The following LRBA variants were observed in gnomAD, a reference collection of about 807,000 sequenced individuals.
The protein encoded by LRBA is lipopolysaccharide-responsive and beige-like anchor protein.
Under a neutral mutation model 330.0 loss-of-function variants are expected in LRBA, and 176 were observed. The observed-to-expected ratio is 0.53, with a 90% CI of 0.47 to 0.60. The LOEUF is 0.60. Ranked by LOEUF, LRBA falls within the 20% of genes least tolerant of loss-of-function variation. LRBA has a pLI of 0.00. For synonymous variants in LRBA, 1,230 were observed against 1,193.0 expected, an observed-to-expected ratio of 1.03 and a Z score of -0.64; for missense variants, 3,259 against 3,444.8, an observed-to-expected ratio of 0.95 and a Z score of 1.35.
intron 34 of LRBA, among the ~76,000 whole-genome samples, chr4:150,765,950 T>C (rs1177024297): frequency 2.6e-5 from 4 of 152,064 alleles, no homozygotes; most frequent in Non-Finnish European, 4.4e-5. Context: ...TCTAAACTTA[T>C]CTTGGTATGT....
At chr4:150,740,984 T>C (rs919795864) in intron 35 of LRBA, among the ~76,000 whole-genome samples, 1 of 152,064 alleles carries the variant, frequency 6.6e-6, no homozygotes, top group Non-Finnish European at 1.5e-5. Context: ...AACCCTGACT[T>C]CTACCTCAAA....
At position 150,799,723 on chromosome 4, in the gene LRBA, C is replaced by T. The variant is rs987960837; in HGVS notation, c.5519-1581G>A. On this transcript the variant is annotated intron_variant, in intron 33 of 56. Transcript: ENST00000651943. ...GTGCTCCTTTGTCCCTCTTACCACACTTATCATATTTCATACATATACATA... is the reference window on the plus strand; with the variant it reads ...GTGCTCCTTTGTCCCTCTTACCACATTTATCATATTTCATACATATACATA... Among the ~76,000 whole-genome samples the T allele has an allele frequency of 2.6e-5, 4 of 152,240 alleles. No homozygotes were observed. In the East Asian group the frequency reaches 7.7e-4, roughly 29 times the overall value.
Position 150,408,344 on chromosome 4 carries a change from T to A in LRBA, c.7194+7094A>T, listed in dbSNP as rs558580648. 2.4e-3 allele frequency among the ~76,000 whole-genome samples: 368 copies of A among 151,910 alleles called. 2 individuals carry two copies. Among genetic ancestry groups the A allele is most frequent in the African/African-American group, 5.7e-3 (237 of 41,480 alleles). On this transcript the variant is annotated intron_variant, in intron 47 of 56. Coordinates refer to ENST00000651943, the MANE Select transcript of LRBA (RefSeq NM_001364905.1). Reference sequence around the variant, plus strand: ...ACTGACATAGATTCAAGAAAAAATTTAAAAAAAATCTTGATAGACCTATAA... The same window carrying A: ...ACTGACATAGATTCAAGAAAAAATTAAAAAAAAATCTTGATAGACCTATAA...
At chr4:150,658,514 TCC>T (rs1428321709) in intron 37 of LRBA, among the ~76,000 whole-genome samples, 1 of 38 alleles carries the variant, frequency 0.026, no homozygotes, top group African/African-American at 0.05. Flanking sequence ...AGTCTCCCTC[TCC>T]CTCTCCCTCT....
rs183744217 is a variant in LRBA at position 150,858,650 on chromosome 4, C to G, written c.2767-5707G>C. Among the ~76,000 whole-genome samples, 446 of 152,260 alleles carry G rather than the reference C, an allele frequency of 2.9e-3. 3 individuals are homozygous for G. The highest frequency in any genetic ancestry group is 0.01 in the African/African-American group (426 of 41,554). ...ATTCAAGTGATTTTCATGCCTTAGT[C>G]CCCAGTAGCTGGGACCACAGGCATG... On this transcript the variant is annotated intron_variant, in intron 22 of 56. Coordinates refer to ENST00000651943, the MANE Select transcript of LRBA (RefSeq NM_001364905.1).
intron 40 of LRBA, among the ~76,000 whole-genome samples, chr4:150,554,411 A>G (rs994405820): frequency 1.3e-5 from 2 of 152,242 alleles, no homozygotes; most frequent in Admixed American, 6.5e-5. Flanking sequence ...CTAAGCCAGG[A>G]CAGAAATCAG....
chr4:150,650,088 G>T (rs937410514), intron 37 of LRBA, among the ~76,000 whole-genome samples: 31 of 152,086 alleles, frequency 2.0e-4, no homozygotes, highest in Non-Finnish European at 2.8e-4. Flanking sequence ...AATAGATATT[G>T]TTTTCACTGG....
At chr4:150,494,538 A>G (rs1007639317) in intron 40 of LRBA, among the ~76,000 whole-genome samples, 2 of 152,242 alleles carry the variant, frequency 1.3e-5, no homozygotes, top group African/African-American at 2.4e-5. Flanking sequence ...TGAGTATACT[A>G]CAGCATTGTT....
At chr4:150,844,440 A>G (rs1331866891) in intron 27 of LRBA, among the ~76,000 whole-genome samples, 1 of 152,092 alleles carries the variant, frequency 6.6e-6, no homozygotes. Context: ...CATCACAGAA[A>G]CAATCAAAGT....
Position 150,970,548 on chromosome 4 carries a change from TGTGTGTGTAC to T in LRBA, c.217-41493_217-41484del, listed in dbSNP as rs1352864978. 52 of 43,346 alleles carry T rather than the reference TGTGTGTGTAC, an allele frequency of 1.2e-3. No homozygotes were observed. In the East Asian group the frequency reaches 0.031, roughly 26 times the overall value. The allele number at this position is 43,346 out of a possible 1,614,324, so 2.7% of individuals were successfully genotyped here. A position where few individuals can be genotyped will look rare whatever the true frequency, so the allele number is the denominator to read the frequency against. On this transcript the variant is annotated intron_variant, in intron 2 of 56. Coordinates refer to ENST00000651943, the MANE Select transcript of LRBA (RefSeq NM_001364905.1). ...TTGTGTGTGTGTGTGTGTGTGTGTG[TGTGTGTGTAC>T]ACACACACACACACACACACACACA...
rs2126924284 is a variant in LRBA, at chr4:150,852,925, T to G, written c.2785A>C (p.Lys929Gln). The change falls in exon 23 of 57, where the codon AAA becomes CAA. Residue 929 changes from lysine to glutamine, a missense_variant. By Grantham distance (53) the Lys-to-Gln change is moderately conservative. Transcript: ENST00000651943. ...CTAAATATATTGGCAAGGTTTTCTTTGTGTATTTCAAAAGTGACCTAGGTG... is the reference window on the plus strand; with the variant it reads ...CTAAATATATTGGCAAGGTTTTCTTGGTGTATTTCAAAAGTGACCTAGGTG... The part of the protein sequence containing the change: ...THSKVTFEIH[K>Q]ENLANIFREQ... 6.4e-7 allele frequency: 1 copy of G among 1,572,054 alleles called. No individual in the cohort carries two copies. Among genetic ancestry groups the G allele is most frequent in the South Asian group, 1.2e-5 (1 of 83,006 alleles).
At chr4:150,507,258 C>T (rs1450954435) in intron 40 of LRBA, among the ~76,000 whole-genome samples, 1 of 152,048 alleles carries the variant, frequency 6.6e-6, no homozygotes, top group Non-Finnish European at 1.5e-5. Flanking sequence ...AAAAAAGAGC[C>T]CGCATTGCCA....
intron 36 of LRBA, among the ~76,000 whole-genome samples, chr4:150,697,344 A>AAAAAAAAAAAAAAAC: frequency 6.7e-6 from 1 of 148,846 alleles, no homozygotes; most frequent in African/African-American, 2.5e-5. Flanking sequence ...AAAAAAAAAA[A>AAAAAAAAAAAAAAAC]AAAAAAACAG....
intron 30 of LRBA, among the ~76,000 whole-genome samples, chr4:150,822,587 C>A (rs1745601124): frequency 6.6e-6 from 1 of 151,858 alleles, no homozygotes; most frequent in Admixed American, 6.6e-5. Context: ...GGCAACAGAG[C>A]AACACCTCAT....
intron 53 of LRBA, among the ~76,000 whole-genome samples, chr4:150,299,114 G>T (rs1729333182): frequency 6.6e-6 from 1 of 152,018 alleles, no homozygotes; most frequent in Non-Finnish European, 1.5e-5. Context: ...AGTCTGGAGA[G>T]CATTATTCTG....
intron 29 of LRBA, among the ~76,000 whole-genome samples, chr4:150,830,024 C>T (rs545506212): frequency 6.6e-6 from 1 of 152,204 alleles, no homozygotes; most frequent in East Asian, 1.9e-4. Flanking sequence ...AATCTGACTG[C>T]CTCTCACCAT....
chr4:150,469,561 C>A (rs1157144408), intron 43 of LRBA, among the ~76,000 whole-genome samples: 2 of 152,112 alleles, frequency 1.3e-5, no homozygotes, highest in East Asian at 1.9e-4. Context: ...CTTAAAAATT[C>A]TTTTAGTCAC....
chr4:150,802,356 T>A (rs920432376), intron 33 of LRBA, among the ~76,000 whole-genome samples: 26 of 151,696 alleles, frequency 1.7e-4, no homozygotes, highest in African/African-American at 6.0e-4. Context: ...GTGGGTTTTT[T>A]TTTTTTAATT....
In LRBA at chr4:150,530,761, C is replaced by G. The variant is rs182522656; in HGVS notation, c.6331-39726G>C. On this transcript the variant is annotated intron_variant, in intron 40 of 56. Coordinates refer to ENST00000651943, the MANE Select transcript of LRBA (RefSeq NM_001364905.1). ...GGGGAAACCTGACACAATTACTAAA[C>G]AAGATTCCTTTCTTGTTCTTTTAGA... Among the ~76,000 whole-genome samples, 723 of 152,244 alleles carry G rather than the reference C, an allele frequency of 4.7e-3. 6 individuals are homozygous for G. The highest frequency in any genetic ancestry group is 8.5e-3 in the Non-Finnish European group (577 of 67,980).
Sources: gnomAD v4.1 joint callset for allele counts (sites outside exome capture counted in the v4.1 genomes callset) on GRCh38, gnomAD v4.1.1 for gene constraint, MANE v1.5 for transcripts, NCBI Gene and HGNC (gene_info 2026-07-23, HGNC 2026-07-21) for gene names.